Variants in TINAG observed in about 807,000 individuals in gnomAD.
TINAG encodes the protein tubulointerstitial nephritis antigen.
Under a neutral mutation model 72.7 loss-of-function variants are expected in TINAG, and 83 were observed. That is an observed-to-expected ratio of 1.14 (90% confidence interval 0.96 to 1.37). The LOEUF (loss-of-function observed/expected upper bound fraction) is 1.37. Ranked by LOEUF, TINAG falls within the 40% of genes most tolerant of loss-of-function variation. The pLI, the probability that TINAG is intolerant of heterozygous loss-of-function variation, is 0.00. For synonymous variants in TINAG, 234 were observed against 189.9 expected (o/e 1.23, Z -1.91); for missense variants, 685 against 576.6 (o/e 1.19, Z -1.93).
At chr6:54,324,765 TC>T (rs2150939292) in intron 3 of TINAG, among the ~76,000 whole-genome samples, 1 of 152,304 alleles carries the variant, frequency 6.6e-6, no homozygotes, top group South Asian at 2.1e-4. Context: ...ACAAAAAGTT[TC>T]TCTTAGATAT....
intron 1 of TINAG, among the ~76,000 whole-genome samples, chr6:54,310,299 C>G (rs896875267): frequency 3.2e-4 from 49 of 151,914 alleles, no homozygotes; most frequent in African/African-American, 1.2e-3. Flanking sequence ...TGCCTAGGCT[C>G]GTCTTAAAAC....
At chr6:54,354,366 G>A (rs902884248) in intron 8 of TINAG, 147 bp from the exon 9 acceptor site, 1 of 674,762 alleles carries the variant, frequency 1.5e-6, no homozygotes, top group Non-Finnish European at 2.4e-6. Flanking sequence ...TAATTAAGTA[G>A]GAAAGAAAAT....
intron 9 of TINAG, among the ~76,000 whole-genome samples, chr6:54,377,531 A>T (rs528714506): frequency 1.3e-5 from 2 of 152,064 alleles, no homozygotes; most frequent in East Asian, 3.9e-4. Flanking sequence ...TAAATAAATA[A>T]ATAAGAAATA....
intron 4 of TINAG, 172 bp downstream of exon 4, chr6:54,327,088 T>C (rs1784622120): frequency 6.5e-7 from 1 of 1,547,378 alleles, no homozygotes; most frequent in African/African-American, 1.4e-5. Context: ...CCTCAAAAGT[T>C]TCATATGAGA....
chr6:54,385,644 A>G (rs556534424), intron 10 of TINAG, among the ~76,000 whole-genome samples: 2 of 152,204 alleles, frequency 1.3e-5, no homozygotes, highest in South Asian at 4.1e-4. Context: ...AACTCATTTT[A>G]TGAAGCGGTA....
At chr6:54,379,481 T>C (rs1214538380) in intron 9 of TINAG, among the ~76,000 whole-genome samples, 2 of 152,194 alleles carry the variant, frequency 1.3e-5, no homozygotes, top group Non-Finnish European at 2.9e-5. Context: ...TATAAGCTTC[T>C]GTATCCATAC....
At chr6:54,353,932 G>T (rs748241384) in intron 8 of TINAG, among the ~76,000 whole-genome samples, 3 of 151,866 alleles carry the variant, frequency 2.0e-5, no homozygotes, top group Non-Finnish European at 2.9e-5. Context: ...GTGAAGGAAG[G>T]AAGGAGAGCT....
intron 1 of TINAG, among the ~76,000 whole-genome samples, chr6:54,317,687 T>C (rs1784404306): frequency 6.6e-6 from 1 of 152,156 alleles, no homozygotes; most frequent in Admixed American, 6.6e-5. Flanking sequence ...CAAAATGTGT[T>C]TTTGCCTTTC....
intron 4 of TINAG, among the ~76,000 whole-genome samples, chr6:54,333,549 T>C (rs1473014225): frequency 6.6e-6 from 1 of 151,960 alleles, no homozygotes; most frequent in Non-Finnish European, 1.5e-5. Flanking sequence ...CAAACCACCA[T>C]GGCACATGTA....
rs781106399 is a variant in TINAG, at chr6:54,308,796, C to T, written c.246C>T (p.Tyr82=). 1.2e-6 allele frequency: 2 copies of T among 1,613,830 alleles called. No homozygotes were observed. The highest frequency in any genetic ancestry group is 2.7e-5 in the African/African-American group (2 of 75,006). The change falls in exon 1 of 11, where the codon TAC becomes TAT. Residue 82 remains tyrosine, a synonymous_variant. Coordinates refer to ENST00000259782, the MANE Select transcript of TINAG (RefSeq NM_014464.4). ...TEFYAANALC[Y]CDKFCDRENS... ...TCTATGCGGCGAATGCGTTGTGCTA[C>T]TGTGATAAATTCTGTGACAGAGAAA...
chr6:54,350,626 G>T (rs1212035742), intron 7 of TINAG, among the ~76,000 whole-genome samples: 1 of 147,924 alleles, frequency 6.8e-6, no homozygotes, highest in African/African-American at 2.5e-5. Flanking sequence ...TAATTCCTCT[G>T]ATGCAAATGG....
In TINAG at chr6:54,386,095, C is replaced by T. The variant is rs144345695; in HGVS notation, c.1297-3696C>T. 3.0e-3 allele frequency among the ~76,000 whole-genome samples: 454 copies of T among 151,866 alleles called. 2 individuals carry two copies. Among genetic ancestry groups the T allele is most frequent in the African/African-American group, 9.9e-3 (410 of 41,418 alleles). ...TTGGTAGAGACGGGTTTCGCCATGT[C>T]GCCCAGGCTGGTCTCAAACTCCTGA... On this transcript the variant is annotated intron_variant, in intron 10 of 10. Transcript: ENST00000259782.
intron 1 of TINAG, among the ~76,000 whole-genome samples, chr6:54,314,146 A>AT (rs1259354415): frequency 2.6e-5 from 4 of 152,316 alleles, no homozygotes; most frequent in East Asian, 3.9e-4. Flanking sequence ...TGTTTATTTG[A>AT]TAAAAACTAT....
intron 9 of TINAG, among the ~76,000 whole-genome samples, chr6:54,362,518 G>A (rs1392045037): frequency 6.6e-6 from 1 of 151,622 alleles, no homozygotes; most frequent in Non-Finnish European, 1.5e-5. Flanking sequence ...CATTGAAAAT[G>A]CACCTAATCA....
At chr6:54,351,532 C>T (rs1490471095) in intron 8 of TINAG, 135 bp downstream of exon 8, 6 of 678,218 alleles carry the variant, frequency 8.8e-6, no homozygotes, top group Non-Finnish European at 1.4e-5. Context: ...TTCAACAGTT[C>T]TAAAATGAGT....
At chr6:54,384,713 C>T (rs1025910309) in intron 10 of TINAG, among the ~76,000 whole-genome samples, 18 of 144,866 alleles carry the variant, frequency 1.2e-4, no homozygotes, top group African/African-American at 4.4e-4. Context: ...TCCAAAAAAA[C>T]ATACACCAAA....
intron 9 of TINAG, among the ~76,000 whole-genome samples, chr6:54,365,168 C>T (rs1763370029): frequency 6.6e-6 from 1 of 151,524 alleles, no homozygotes; most frequent in Admixed American, 6.6e-5. Flanking sequence ...TTCTACTATG[C>T]TTATTTAGCA....
intron 3 of TINAG, among the ~76,000 whole-genome samples, 183 bp from the exon 4 acceptor site, chr6:54,326,619 C>T (rs1033794180): frequency 1.3e-5 from 2 of 151,884 alleles, no homozygotes; most frequent in African/African-American, 4.8e-5. Flanking sequence ...GTATCTCATA[C>T]CCTTGATTAT....
intron 9 of TINAG, among the ~76,000 whole-genome samples, chr6:54,358,638 A>G (rs1763134206): frequency 6.6e-6 from 1 of 151,766 alleles, no homozygotes; most frequent in Admixed American, 6.6e-5. Context: ...TCATCAGATC[A>G]ACCTTTGCTG....
Sources: gnomAD v4.1 joint callset for allele counts (sites outside exome capture counted in the v4.1 genomes callset) on GRCh38, gnomAD v4.1.1 for gene constraint, MANE v1.5 for transcripts, NCBI Gene and HGNC (gene_info 2026-07-23, HGNC 2026-07-21) for gene names.